MAGI2: variants seen among roughly 807,000 people sequenced by gnomAD.
MAGI2 encodes the protein membrane associated guanylate kinase, WW and PDZ domain containing 2.
In MAGI2, 35 loss-of-function variants were observed where a neutral mutation model predicts 133.3. That is an observed-to-expected ratio of 0.26 (90% CI 0.20 to 0.35). The LOEUF is 0.35. Among genes scored for constraint, MAGI2 ranks in the 10% least tolerant of loss-of-function variants. The pLI is 1.00. For missense variants in MAGI2, 1,636 were observed against 1,863.4 expected, an observed-to-expected ratio of 0.88 and a Z score of 2.25; for synonymous variants, 729 against 710.6, an observed-to-expected ratio of 1.03 and a Z score of -0.41.
intron 1 of MAGI2, among the ~76,000 whole-genome samples, chr7:79,286,607 A>G (rs952851708): frequency 1.3e-5 from 2 of 149,082 alleles, no homozygotes; most frequent in Non-Finnish European, 3.0e-5. Context: ...ACAGCCCAAA[A>G]TATGGTCTTT....
intron 1 of MAGI2, among the ~76,000 whole-genome samples, chr7:79,115,804 G>T (rs975906458): frequency 1.4e-5 from 2 of 140,896 alleles, no homozygotes; most frequent in African/African-American, 5.4e-5. Flanking sequence ...AGCCATTTTG[G>T]TTATTAAAAT....
At chr7:78,108,753 T>C (rs1336011813) in intron 20 of MAGI2, among the ~76,000 whole-genome samples, 2 of 132,176 alleles carry the variant, frequency 1.5e-5, no homozygotes, top group Non-Finnish European at 3.5e-5. Flanking sequence ...TGAGTGTATA[T>C]ACGTGAGTGT....
chr7:79,080,263 A>G (rs753577402), intron 1 of MAGI2, among the ~76,000 whole-genome samples: 7 of 152,168 alleles, frequency 4.6e-5, no homozygotes, highest in Non-Finnish European at 1.0e-4. Flanking sequence ...CCAAAATGAA[A>G]TGTACAATCA....
chr7:79,065,647 G>A (rs1192923412), intron 1 of MAGI2, among the ~76,000 whole-genome samples: 2 of 152,080 alleles, frequency 1.3e-5, no homozygotes, highest in East Asian at 3.9e-4. Context: ...GTGCCATAGT[G>A]GTTTGCTGCG....
At chr7:78,821,759 T>C (rs1161851272) in intron 2 of MAGI2, among the ~76,000 whole-genome samples, 1 of 152,074 alleles carries the variant, frequency 6.6e-6, no homozygotes, top group African/African-American at 2.4e-5. Flanking sequence ...TCTATTCATT[T>C]AGAATAAAAC....
chr7:78,446,121 T>C (rs1278611932), intron 6 of MAGI2, among the ~76,000 whole-genome samples: 1 of 149,902 alleles, frequency 6.7e-6, no homozygotes, highest in Non-Finnish European at 1.5e-5. Context: ...TATGTTTCTC[T>C]GAATTTTTTG....
chr7:78,712,475 T>G (rs748428049), intron 2 of MAGI2, among the ~76,000 whole-genome samples: 6 of 152,224 alleles, frequency 3.9e-5, no homozygotes, highest in Non-Finnish European at 8.8e-5. Flanking sequence ...CAAGAAGGCG[T>G]TGATTCCCAG....
At chr7:78,125,885 A>G in intron 19 of MAGI2, 48 bp from the exon 20 acceptor site, 2 of 1,578,888 alleles carry the variant, frequency 1.3e-6, no homozygotes, top group East Asian at 2.2e-5. Flanking sequence ...TAGTTATCAG[A>G]GAAGCTTCTG....
chr7:78,825,041 G>T (rs780651156), intron 2 of MAGI2, among the ~76,000 whole-genome samples: 9 of 151,946 alleles, frequency 5.9e-5, no homozygotes, highest in Non-Finnish European at 1.3e-4. Context: ...ACAGGGAGGG[G>T]AACAACATAC....
chr7:78,914,970 T>C (rs1448258895), intron 2 of MAGI2, among the ~76,000 whole-genome samples: 1 of 152,136 alleles, frequency 6.6e-6, no homozygotes, highest in Non-Finnish European at 1.5e-5. Flanking sequence ...ACAGAAGTCA[T>C]TTATAAAATA....
chr7:78,032,555 G>A (rs1032100440), intron 21 of MAGI2, among the ~76,000 whole-genome samples: 2 of 152,118 alleles, frequency 1.3e-5, no homozygotes, highest in African/African-American at 4.8e-5. Flanking sequence ...TGTTGTACAG[G>A]TCTATGCACT....
chr7:78,430,889 G>C (rs1244660985), intron 6 of MAGI2, among the ~76,000 whole-genome samples: 3 of 152,144 alleles, frequency 2.0e-5, no homozygotes, highest in South Asian at 2.1e-4. Context: ...AAGTCCAACA[G>C]GAGGGGTTAC....
chr7:78,737,976 A>G (rs890362480), intron 2 of MAGI2, among the ~76,000 whole-genome samples: 1 of 152,136 alleles, frequency 6.6e-6, no homozygotes, highest in African/African-American at 2.4e-5. Context: ...TGCCTTTCCC[A>G]CTTAACTGCA....
At chr7:78,694,254 C>A (rs1817266155) in intron 2 of MAGI2, among the ~76,000 whole-genome samples, 1 of 152,094 alleles carries the variant, frequency 6.6e-6, no homozygotes, top group Admixed American at 6.5e-5. Flanking sequence ...TTTTTGTTAG[C>A]AAAGTCATAT....
chr7:79,401,727 A>AT (rs1056969548), intron 1 of MAGI2, among the ~76,000 whole-genome samples: 3 of 152,164 alleles, frequency 2.0e-5, no homozygotes, highest in African/African-American at 7.2e-5. Context: ...ACATGCTAAG[A>AT]TTTTTTAAAA....
chr7:79,385,158 C>T (rs1439665872), intron 1 of MAGI2, among the ~76,000 whole-genome samples: 2 of 151,608 alleles, frequency 1.3e-5, no homozygotes, highest in Admixed American at 6.6e-5. Flanking sequence ...AGAGCATGTA[C>T]ATAAAGTGTA....
At chr7:78,267,552 T>C (rs1794140414) in intron 9 of MAGI2, among the ~76,000 whole-genome samples, 4 of 152,114 alleles carry the variant, frequency 2.6e-5, no homozygotes, top group Admixed American at 6.6e-5. Flanking sequence ...ACACCAAGGA[T>C]TGCCAATTAA....
At chr7:78,992,820 C>G (rs1295384174) in intron 2 of MAGI2, among the ~76,000 whole-genome samples, 4 of 152,024 alleles carry the variant, frequency 2.6e-5, no homozygotes, top group Non-Finnish European at 5.9e-5. Flanking sequence ...ATGTTGACCT[C>G]TGGTCACAGA....
rs546529294 is a variant in MAGI2, at chr7:79,235,043, A to G, written c.301+217977T>C. 2.9e-3 allele frequency among the ~76,000 whole-genome samples: 434 copies of G among 151,466 alleles called. 2 individuals are homozygous for G. The highest frequency in any genetic ancestry group is 0.01 in the Middle Eastern group (3 of 294). ...TATCCTCAGCTGCAGGTCTGTTGGA[A>G]TACCCTGCCGTGTGAGGTGTCAGTG... On this transcript the variant is annotated intron_variant, in intron 1 of 21. Transcript: ENST00000354212.
Sources: gnomAD v4.1 joint callset for allele counts (sites outside exome capture counted in the v4.1 genomes callset) on GRCh38, gnomAD v4.1.1 for gene constraint, MANE v1.5 for transcripts, NCBI Gene and HGNC (gene_info 2026-07-23, HGNC 2026-07-21) for gene names.